PRKG1: variants seen among roughly 807,000 people sequenced by gnomAD.
PRKG1 encodes cGMP-dependent protein kinase 1.
PRKG1 carries 35 observed loss-of-function variants against 88.1 expected under a neutral mutation model. The observed-to-expected ratio is 0.40, with a 90% CI of 0.30 to 0.53. The LOEUF (loss-of-function observed/expected upper bound fraction) is 0.53, where lower values mean the gene tolerates loss of function less well. Among genes scored for constraint, PRKG1 ranks in the 20% least tolerant of loss-of-function variants. The pLI is 0.59. For missense variants in PRKG1, 540 were observed against 839.8 expected, an observed-to-expected ratio of 0.64 and a Z score of 4.41; for synonymous variants, 303 against 292.5, an observed-to-expected ratio of 1.04 and a Z score of -0.37.
intron 2 of PRKG1, among the ~76,000 whole-genome samples, chr10:51,364,786 G>A (rs1291686121): frequency 6.6e-6 from 1 of 151,914 alleles, no homozygotes; most frequent in Non-Finnish European, 1.5e-5. Flanking sequence ...ACTCCCTGGA[G>A]TGGCTTTATC....
chr10:52,171,786 A>ATTTTTTTTTTTTTTTTTTTTTTT (rs545195374), intron 9 of PRKG1, among the ~76,000 whole-genome samples: 3 of 93,858 alleles, frequency 3.2e-5, no homozygotes, highest in African/African-American at 1.3e-4. Flanking sequence ...TTTTATCAAA[A>ATTTTTTTTTTTTTTTTTTTTTTT]TTTTTTTTTT....
At chr10:52,144,039 T>C (rs1903994) in intron 8 of PRKG1, among the ~76,000 whole-genome samples, 152,012 of 152,254 alleles carry the variant, frequency 1, 75,885 homozygotes, top group Middle Eastern at 1. Flanking sequence ...TATGTTTGGC[T>C]GGTAGCATCC....
At chr10:51,413,499 A>T (rs1167274538) in intron 2 of PRKG1, among the ~76,000 whole-genome samples, 1 of 152,070 alleles carries the variant, frequency 6.6e-6, no homozygotes, top group Non-Finnish European at 1.5e-5. Context: ...AGCTTGGATT[A>T]CAGGCACACA....
At chr10:52,053,229 A>AT (rs1554797464) in intron 5 of PRKG1, among the ~76,000 whole-genome samples, 2 of 152,078 alleles carry the variant, frequency 1.3e-5, no homozygotes, top group Non-Finnish European at 2.9e-5. Flanking sequence ...AATAAGAAAT[A>AT]CTTTTTTATT....
intron 3 of PRKG1, among the ~76,000 whole-genome samples, chr10:51,593,327 A>T (rs1337765082): frequency 2.0e-5 from 3 of 151,676 alleles, no homozygotes; most frequent in East Asian, 3.8e-4. Flanking sequence ...AAAACAAAAA[A>T]CTAGACCTAG....
intron 4 of PRKG1, among the ~76,000 whole-genome samples, chr10:51,903,994 T>C (rs1034483754): frequency 1.3e-5 from 2 of 152,144 alleles, no homozygotes; most frequent in Non-Finnish European, 2.9e-5. Context: ...GCTCAGTGCC[T>C]GGCAAATAGA....
At chr10:51,159,125 T>G (rs1846295387) in intron 2 of PRKG1, among the ~76,000 whole-genome samples, 1 of 152,132 alleles carries the variant, frequency 6.6e-6, no homozygotes, top group South Asian at 2.1e-4. Context: ...CTACAAGTTC[T>G]ATTTTCCCTC....
chr10:51,724,426 T>C (rs969958152), intron 3 of PRKG1, among the ~76,000 whole-genome samples: 1 of 152,222 alleles, frequency 6.6e-6, no homozygotes, highest in African/African-American at 2.4e-5. Flanking sequence ...ATGCTTCATT[T>C]TGGCCAATGG....
At chr10:52,136,531 A>G (rs1837428176) in intron 8 of PRKG1, among the ~76,000 whole-genome samples, 1 of 152,058 alleles carries the variant, frequency 6.6e-6, no homozygotes, top group South Asian at 2.1e-4. Context: ...TACAGTGTAC[A>G]CTGACAAGTG....
At chr10:51,201,161 A>G (rs2132055894) in intron 2 of PRKG1, among the ~76,000 whole-genome samples, 1 of 152,310 alleles carries the variant, frequency 6.6e-6, no homozygotes, top group African/African-American at 2.4e-5. Flanking sequence ...CTTGCTAATA[A>G]GTATAAAAAA....
At chr10:51,453,022 G>A (rs1839480952) in intron 2 of PRKG1, among the ~76,000 whole-genome samples, 1 of 151,868 alleles carries the variant, frequency 6.6e-6, no homozygotes, top group Non-Finnish European at 1.5e-5. Flanking sequence ...AATCTAGGAG[G>A]TTTGCATATT....
At chr10:51,800,135 G>A (rs1839128755) in intron 3 of PRKG1, among the ~76,000 whole-genome samples, 1 of 151,998 alleles carries the variant, frequency 6.6e-6, no homozygotes, top group Admixed American at 6.6e-5. Flanking sequence ...GTGGTTTGTT[G>A]CTCAAATTTT....
intron 2 of PRKG1, among the ~76,000 whole-genome samples, chr10:51,387,124 C>T (rs1042387319): frequency 6.6e-6 from 1 of 151,730 alleles, no homozygotes; most frequent in African/African-American, 2.4e-5. Context: ...TGAGAGCAGC[C>T]AATCATCTGG....
rs879616324 is a variant in PRKG1 at position 51,090,349 on chromosome 10, C to A, written c.311+15448C>A. 3.3e-5 allele frequency among the ~76,000 whole-genome samples: 5 copies of A among 152,184 alleles called. No individual in the cohort carries two copies. The South Asian group carries it at 6.2e-4, about 19-fold the overall frequency. On this transcript the variant is annotated intron_variant, in intron 1 of 17. Transcript: ENST00000373980. The stretch of plus-strand genomic sequence containing the variant: ...CAAGGTCCTGGAGTAGAGCCCAACA[C>A]AACCCAGCTTGGCTTTACTGAGTAT...
rs1240654317 is a variant in PRKG1, at chr10:51,670,785, TAAAA to T, written c.593-133798_593-133795del. On this transcript the variant is annotated intron_variant, in intron 3 of 17. Coordinates refer to ENST00000373980, the MANE Select transcript of PRKG1 (RefSeq NM_006258.4). ...ATAAATAAATAAATAAATAAATAAA[TAAAA>T]ATGCAAGATACACTTTTAAATCAAC... 4.9e-4 allele frequency among the ~76,000 whole-genome samples: 72 copies of T among 148,436 alleles called. 2 individuals carry two copies. The highest frequency in any genetic ancestry group is 1.2e-3 in the East Asian group (6 of 5,126).
chr10:51,386,373 C>T, intron 2 of PRKG1, among the ~76,000 whole-genome samples: 1 of 152,120 alleles, frequency 6.6e-6, no homozygotes, highest in East Asian at 1.9e-4. Context: ...AGTTGGCAAA[C>T]TGGAGACCCA....
At chr10:51,936,970 TAA>T (rs2133018682) in intron 5 of PRKG1, among the ~76,000 whole-genome samples, 1 of 152,096 alleles carries the variant, frequency 6.6e-6, no homozygotes, top group Non-Finnish European at 1.5e-5. Flanking sequence ...AGAGGAAGTA[TAA>T]GAGATTTATG....
rs559247619 is a variant in PRKG1, at chr10:51,374,014, C to T, written c.479-93709C>T. Among the ~76,000 whole-genome samples the T allele has an allele frequency of 3.3e-3, 483 of 147,674 alleles. 3 individuals are homozygous for T. Among genetic ancestry groups the T allele is most frequent in the African/African-American group, 0.011 (455 of 40,094 alleles). On this transcript the variant is annotated intron_variant, in intron 2 of 17. Coordinates refer to ENST00000373980, the MANE Select transcript of PRKG1 (RefSeq NM_006258.4). ...AAAATTAGCTGGGGGCGGTGTAAGG[C>T]GCCTGTAATCCCAGCTACTCAGGAG... is the stretch of plus-strand genomic sequence containing the variant.
At chr10:51,385,870 A>T (rs1054365006) in intron 2 of PRKG1, among the ~76,000 whole-genome samples, 3 of 152,226 alleles carry the variant, frequency 2.0e-5, no homozygotes, top group Non-Finnish European at 4.4e-5. Flanking sequence ...TTCCTCTCTC[A>T]CATTTCTCCC....
Sources: allele counts gnomAD v4.1 joint callset (sites outside exome capture counted in the v4.1 genomes callset), GRCh38; gene constraint gnomAD v4.1.1; transcripts MANE v1.5; gene names NCBI Gene and HGNC (gene_info 2026-07-23, HGNC 2026-07-21).